AUTS2: variants seen among roughly 807,000 people sequenced by gnomAD.
The protein encoded by AUTS2 is activator of transcription and developmental regulator AUTS2.
Under a neutral mutation model 112.4 loss-of-function variants are expected in AUTS2, and 17 were observed. That is an observed-to-expected ratio of 0.15 (90% CI 0.10 to 0.23). The LOEUF (loss-of-function observed/expected upper bound fraction) is 0.23. Ranked by LOEUF, AUTS2 falls within the 10% of genes least tolerant of loss-of-function variation. The pLI, the probability that AUTS2 is intolerant of heterozygous loss-of-function variation, is 1.00. For synonymous variants in AUTS2, 751 were observed against 702.7 expected (o/e 1.07, Z -1.09); for missense variants, 1,510 against 1,701.6 (o/e 0.89, Z 1.98).
At chr7:69,804,721 T>C (rs1790226335) in intron 1 of AUTS2, among the ~76,000 whole-genome samples, 1 of 152,240 alleles carries the variant, frequency 6.6e-6, no homozygotes, top group Admixed American at 6.5e-5. Context: ...AGTTTTGTTA[T>C]CACATTTCTT....
chr7:69,875,966 A>T (rs1400041933), intron 1 of AUTS2, among the ~76,000 whole-genome samples: 1 of 152,086 alleles, frequency 6.6e-6, no homozygotes, highest in East Asian at 1.9e-4. Context: ...TGTGTTTTGG[A>T]TATATGTGCA....
At chr7:70,682,600 C>T (rs1261092537) in intron 5 of AUTS2, among the ~76,000 whole-genome samples, 2 of 152,204 alleles carry the variant, frequency 1.3e-5, no homozygotes, top group Admixed American at 6.5e-5. Context: ...CTCATCCTGG[C>T]ATGTGCTCAC....
intron 5 of AUTS2, among the ~76,000 whole-genome samples, chr7:70,627,857 C>T (rs1351204546): frequency 6.6e-5 from 10 of 152,132 alleles, no homozygotes. Context: ...TTGGGATAAA[C>T]GTGGTCAGGA....
intron 5 of AUTS2, among the ~76,000 whole-genome samples, chr7:70,464,654 A>T (rs1797102155): frequency 6.6e-6 from 1 of 152,168 alleles, no homozygotes; most frequent in East Asian, 1.9e-4. Flanking sequence ...GGGTTAAGGT[A>T]TGAGTTTATT....
chr7:70,072,279 G>A (rs1003750689), intron 2 of AUTS2, among the ~76,000 whole-genome samples: 24 of 152,242 alleles, frequency 1.6e-4, no homozygotes, highest in Middle Eastern at 6.8e-3. Context: ...AAGCTTAGCA[G>A]GCCTAGCATG....
rs1027653391 is a variant in AUTS2 at position 70,672,310 on chromosome 7, A to G, written c.691-26259A>G. On this transcript the variant is annotated intron_variant, in intron 5 of 18. Coordinates refer to ENST00000342771, the MANE Select transcript of AUTS2 (RefSeq NM_015570.4). ...TTGAAGGGATACCTGAAGAATCTCA[A>G]TATTAAAGGATAAGAGAATCCAAAG... 3.9e-5 allele frequency among the ~76,000 whole-genome samples: 6 copies of G among 152,228 alleles called. 1 individual carries two copies. Among genetic ancestry groups the G allele is most frequent in the Non-Finnish European group, 7.3e-5 (5 of 68,038 alleles).
intron 4 of AUTS2, among the ~76,000 whole-genome samples, chr7:70,167,250 A>G (rs1438100877): frequency 1.3e-5 from 2 of 152,128 alleles, no homozygotes; most frequent in African/African-American, 4.8e-5. Flanking sequence ...AAACAAAACA[A>G]AAACAGAAGT....
chr7:69,983,478 T>C (rs1163586825), intron 2 of AUTS2, among the ~76,000 whole-genome samples: 1 of 152,044 alleles, frequency 6.6e-6, no homozygotes, highest in Non-Finnish European at 1.5e-5. Context: ...GGAAAACACA[T>C]GGTAACCTGC....
intron 1 of AUTS2, among the ~76,000 whole-genome samples, chr7:69,827,338 T>C (rs1791293606): frequency 1.3e-5 from 2 of 152,176 alleles, no homozygotes; most frequent in South Asian, 4.1e-4. Flanking sequence ...AAAGTGGTTT[T>C]TGTACTCAAG....
At chr7:69,774,885 T>C (rs961452649) in intron 1 of AUTS2, among the ~76,000 whole-genome samples, 5 of 152,178 alleles carry the variant, frequency 3.3e-5, no homozygotes, top group Admixed American at 2.6e-4. Context: ...ACTCCTGATA[T>C]CTCCAGAGGA....
intron 2 of AUTS2, among the ~76,000 whole-genome samples, chr7:69,985,404 G>A (rs966784986): frequency 6.6e-6 from 1 of 152,140 alleles, no homozygotes; most frequent in African/African-American, 2.4e-5. Flanking sequence ...GGGTGGAGTT[G>A]CAGGATACAT....
intron 4 of AUTS2, among the ~76,000 whole-genome samples, chr7:70,237,503 G>A (rs1477797776): frequency 1.3e-5 from 2 of 152,184 alleles, no homozygotes; most frequent in East Asian, 1.9e-4. Flanking sequence ...TGTCCAAAGT[G>A]TAATATTTAA....
chr7:69,644,371 T>C (rs1214845576), intron 1 of AUTS2, among the ~76,000 whole-genome samples: 1 of 152,006 alleles, frequency 6.6e-6, no homozygotes, highest in East Asian at 1.9e-4. Flanking sequence ...AAACATACTG[T>C]CTTCAGTTTT....
At chr7:70,692,147 C>T (rs1585515648) in intron 5 of AUTS2, among the ~76,000 whole-genome samples, 2 of 152,152 alleles carry the variant, frequency 1.3e-5, no homozygotes, top group Non-Finnish European at 2.9e-5. Context: ...GGATTACAGA[C>T]GTGAGCAACT....
chr7:70,474,688 G>C (rs941155849), intron 5 of AUTS2, among the ~76,000 whole-genome samples: 1 of 152,190 alleles, frequency 6.6e-6, no homozygotes, highest in African/African-American at 2.4e-5. Flanking sequence ...ATTGAGTCTA[G>C]TTTAAGCCGT....
chr7:70,141,055 A>C (rs1462622877), intron 4 of AUTS2, among the ~76,000 whole-genome samples: 2 of 152,226 alleles, frequency 1.3e-5, no homozygotes, highest in African/African-American at 4.8e-5. Context: ...GGGTCAGTTA[A>C]ATGTAGCAGG....
In AUTS2 at chr7:70,589,742, G is replaced by A. The variant is rs749801155; in HGVS notation, c.691-108827G>A. 1.8e-4 allele frequency among the ~76,000 whole-genome samples: 27 copies of A among 152,196 alleles called. 1 individual carries two copies. The highest frequency in any genetic ancestry group is 3.4e-3 in the Middle Eastern group (1 of 294). ...AAAAGAAAAGAAAAGAAAGAAAGTC[G>A]TGGGGATATGACTGATAGTTTCTGT... On this transcript the variant is annotated intron_variant, in intron 5 of 18. Transcript: ENST00000342771.
chr7:70,149,078 G>A (rs780351415), intron 4 of AUTS2, among the ~76,000 whole-genome samples: 2 of 152,054 alleles, frequency 1.3e-5, no homozygotes, highest in Non-Finnish European at 2.9e-5. Context: ...TTCATAGGGT[G>A]TTCCATGAGG....
intron 5 of AUTS2, among the ~76,000 whole-genome samples, chr7:70,695,226 C>G (rs1246482450): frequency 1.3e-5 from 2 of 152,164 alleles, no homozygotes; most frequent in South Asian, 2.1e-4. Context: ...CTTTCCTCCC[C>G]CCTCTGCGGC....
Sources: gnomAD v4.1 joint callset for allele counts (sites outside exome capture counted in the v4.1 genomes callset) on GRCh38, gnomAD v4.1.1 for gene constraint, MANE v1.5 for transcripts, NCBI Gene and HGNC (gene_info 2026-07-23, HGNC 2026-07-21) for gene names.